KCNQ1: variants seen among roughly 807,000 people sequenced by gnomAD.
KCNQ1 encodes potassium voltage-gated channel subfamily Q member 1, also known as potassium voltage-gated channel subfamily KQT member 1.
A neutral mutation model predicts 72.4 loss-of-function variants in KCNQ1; 49 were observed. The ratio of observed to expected loss-of-function variants is 0.68; its 90% CI spans 0.54 to 0.86. The LOEUF (loss-of-function observed/expected upper bound fraction) is 0.86. KCNQ1 is among the 40% of genes least tolerant of loss of function. The probability of loss-of-function intolerance (pLI) is 0.00; values close to 1 mark genes in which losing one functional copy is unlikely to be tolerated. For synonymous variants in KCNQ1, 450 were observed against 412.6 expected (o/e 1.09, Z -1.10); for missense variants, 790 against 945.1 (o/e 0.84, Z 2.15).
Position 2,458,542 on chromosome 11 carries a change from G to A in KCNQ1, c.386+13058G>A, listed in dbSNP as rs959067426. Among the ~76,000 whole-genome samples, 3 of 152,222 alleles carry A rather than the reference G, an allele frequency of 2.0e-5. No homozygotes were observed. Among genetic ancestry groups the A allele is most frequent in the Non-Finnish European group, 4.4e-5 (3 of 68,040 alleles). Reference sequence around the variant, plus strand: ...AGCTCCTGGTGAGGTCAGGGATTCCGCATGCAGCGTCACAGCTGCCAACCT... The same window carrying A: ...AGCTCCTGGTGAGGTCAGGGATTCCACATGCAGCGTCACAGCTGCCAACCT... On this transcript the variant is annotated intron_variant, in intron 1 of 15. Transcript: ENST00000155840. This position sits in a 1 kb window ranked among gnomAD's most constrained non-coding sequence, Gnocchi z 4.6.
chr11:2,697,420 T>G (rs543758608), intron 11 of KCNQ1: 1 of 398,628 alleles, frequency 2.5e-6, no homozygotes, highest in East Asian at 3.6e-5. Flanking sequence ...GATGACATCC[T>G]TGGCCTACTC....
At chr11:2,630,115 T>C (rs1333897359) in intron 10 of KCNQ1, 1 of 398,402 alleles carries the variant, frequency 2.5e-6, no homozygotes, top group Non-Finnish European at 4.4e-6. Context: ...TTGTTCATAG[T>C]TTTTATCATG....
At position 2,724,440 on chromosome 11, in the gene KCNQ1, C is replaced by T. The variant is rs1845723575; in HGVS notation, c.1515-44404C>T. Among the ~76,000 whole-genome samples the T allele has an allele frequency of 6.6e-6, 1 of 152,176 alleles. No individual in the cohort carries two copies. Among genetic ancestry groups the T allele is most frequent in the Admixed American group, 6.5e-5 (1 of 15,290 alleles). On this transcript the variant is annotated intron_variant, in intron 11 of 15. Transcript: ENST00000155840. This position sits in a 1 kb window ranked among gnomAD's most constrained non-coding sequence, Gnocchi z 6.8. ...TAGGCCTCGAACCCTCCCTGGCAAGCTAACACTGCCCTTGGAGGAAGGAGG... is the reference window on the plus strand; with the variant it reads ...TAGGCCTCGAACCCTCCCTGGCAAGTTAACACTGCCCTTGGAGGAAGGAGG...
At chr11:2,646,762 C>T (rs934922012) in intron 10 of KCNQ1, 14 of 398,468 alleles carry the variant, frequency 3.5e-5, no homozygotes, top group South Asian at 2.5e-4. Context: ...GCAATCCACC[C>T]GCCTCATCCT....
Position 2,817,102 on chromosome 11 carries a change from G to A in KCNQ1, c.1795-30665G>A, listed in dbSNP as rs1847629691. On this transcript the variant is annotated intron_variant, in intron 15 of 15. Transcript: ENST00000155840. This position sits in a 1 kb window ranked among gnomAD's most constrained non-coding sequence, Gnocchi z 6.1. ...ACCCTAGTCCACATGCCCGACCCAT[G>A]ACCCAGGCCTGTGGCGCCAGCCTGC... is the stretch of plus-strand genomic sequence containing the variant. Among the ~76,000 whole-genome samples the A allele has an allele frequency of 6.6e-6, 1 of 152,080 alleles. No individual in the cohort carries two copies. The highest frequency in any genetic ancestry group is 2.4e-5 in the African/African-American group (1 of 41,434).
Position 2,824,470 on chromosome 11 carries a change from C to T in KCNQ1, c.1795-23297C>T, listed in dbSNP as rs234850. ...CCAGACAGGAGCAGGGAGGAGGACA[C>T]GCAGGGCCTGAAAGGTTCTGAGGTG... On this transcript the variant is annotated intron_variant, in intron 15 of 15. Transcript: ENST00000155840. This position sits in a 1 kb window ranked among gnomAD's most constrained non-coding sequence, Gnocchi z 5.9. 0.93 allele frequency among the ~76,000 whole-genome samples: 140,857 copies of T among 152,168 alleles called. 66,140 individuals are homozygous for T. The highest frequency in any genetic ancestry group is 1 in the East Asian group (5,156 of 5,156).
intron 2 of KCNQ1, among the ~76,000 whole-genome samples, chr11:2,553,483 T>C (rs1038730425): frequency 3.9e-5 from 6 of 152,048 alleles, no homozygotes; most frequent in East Asian, 1.9e-4. Flanking sequence ...AGAATGGCTG[T>C]TGGATTTTTT....
chr11:2,640,931 T>C (rs1849566765), intron 10 of KCNQ1: 1 of 399,178 alleles, frequency 2.5e-6, no homozygotes, highest in Non-Finnish European at 4.4e-6. Context: ...AAGATAATTA[T>C]CTTTCTGTGC....
In KCNQ1 at chr11:2,825,279, G is replaced by A. The variant is rs111429739; in HGVS notation, c.1795-22488G>A. Among the ~76,000 whole-genome samples the A allele has an allele frequency of 7.6e-3, 1,165 of 152,322 alleles. 9 individuals carry two copies. The highest frequency in any genetic ancestry group is 0.025 in the African/African-American group (1,026 of 41,574). ...GCAGGGTGGGCTCTGCAGCCAGGCC[G>A]CCAGGGTGCAGACCCAGACCAATGG... On this transcript the variant is annotated intron_variant, in intron 15 of 15. Coordinates refer to ENST00000155840, the MANE Select transcript of KCNQ1 (RefSeq NM_000218.3).
At chr11:2,519,780 C>T (rs1564804529) in intron 1 of KCNQ1, among the ~76,000 whole-genome samples, 4 of 102,090 alleles carry the variant, frequency 3.9e-5, no homozygotes, top group Middle Eastern at 4.6e-3. Flanking sequence ...TTGGCCCCCC[C>T]CCACAACATT....
intron 15 of KCNQ1, among the ~76,000 whole-genome samples, chr11:2,819,944 C>G (rs914904860): frequency 6.6e-6 from 1 of 152,202 alleles, no homozygotes; most frequent in Non-Finnish European, 1.5e-5. Context: ...TCAATTCCCT[C>G]GGTAGCAGTA....
rs538595238 is a variant in KCNQ1, at chr11:2,673,982, G to T, written c.1514+11901G>T. The stretch of plus-strand genomic sequence containing the variant: ...CCACAAGGGGATGCCCAGCATTGGG[G>T]GTGGGGTGGGGGGAGGGCCCTCCGT... On this transcript the variant is annotated intron_variant, in intron 11 of 15. Transcript: ENST00000155840. The surrounding 1 kb of genome is among the most constrained non-coding windows in gnomAD (Gnocchi z 4.5). The T allele has an allele frequency of 2.3e-4, 41 of 177,770 alleles. 2 individuals are homozygous for T. In the South Asian group the frequency reaches 5.9e-3, roughly 26 times the overall value. 11.0% of individuals were successfully genotyped at this position (177,770 alleles called of 1,614,324 possible). A position where few individuals can be genotyped will look rare whatever the true frequency, so the allele number is the denominator to read the frequency against.
chr11:2,807,404 G>A (rs1252232748), intron 15 of KCNQ1, among the ~76,000 whole-genome samples: 1 of 152,238 alleles, frequency 6.6e-6, no homozygotes, highest in African/African-American at 2.4e-5. Context: ...CCTCCATGGA[G>A]AGCGGGACTG....
chr11:2,527,440 T>C lies in KCNQ1; in HGVS notation c.387-488T>C, dbSNP rs900490993. Among the ~76,000 whole-genome samples the C allele has an allele frequency of 2.6e-5, 4 of 152,330 alleles. No homozygotes were observed. In the East Asian group the frequency reaches 5.8e-4, roughly 22 times the overall value. On this transcript the variant is annotated intron_variant, in intron 1 of 15. Transcript: ENST00000155840. ...GCTTTGTAGAGACGTAATTACACAC[T>C]GCAGTTCATTTGTGGCTCTAGGGCC...
chr11:2,633,409 C>T (rs1342269058), intron 10 of KCNQ1: 3 of 398,362 alleles, frequency 7.5e-6, no homozygotes, highest in Non-Finnish European at 1.3e-5. Context: ...GTTTTTGTTG[C>T]CTGTGCTTAT....
intron 1 of KCNQ1, among the ~76,000 whole-genome samples, chr11:2,456,208 C>T (rs146252263): frequency 0.021 from 3,250 of 151,896 alleles, 50 homozygotes; most frequent in Non-Finnish European, 0.033. Flanking sequence ...TGTGGTGGTA[C>T]GCACCTGTGG....
chr11:2,522,769 C>T (rs1478612086), intron 1 of KCNQ1, among the ~76,000 whole-genome samples: 4 of 152,390 alleles, frequency 2.6e-5, no homozygotes, highest in Middle Eastern at 3.4e-3. Context: ...TCAGCCCCTG[C>T]TGGCTCCCAA....
chr11:2,646,437 CT>C (rs1031412494), intron 10 of KCNQ1: 3 of 398,306 alleles, frequency 7.5e-6, no homozygotes, highest in East Asian at 3.6e-5. Flanking sequence ...TTAAGCTTTG[CT>C]TTTTTTTGTA....
At chr11:2,628,843 G>A (rs1338866083) in intron 10 of KCNQ1, 1 of 397,990 alleles carries the variant, frequency 2.5e-6, no homozygotes, top group Non-Finnish European at 4.4e-6. Context: ...GGATATCCTG[G>A]TTTCACAGTG....
Sources: gnomAD v4.1 joint callset for allele counts (sites outside exome capture counted in the v4.1 genomes callset) on GRCh38, gnomAD v4.1.1 for gene constraint, Gnocchi (gnomAD v3.1) non-coding constraint, MANE v1.5 for transcripts, NCBI Gene and HGNC (gene_info 2026-07-23, HGNC 2026-07-21) for gene names.